PLCB3: variants seen among roughly 807,000 people sequenced by gnomAD.
PLCB3 encodes 1-phosphatidylinositol 4,5-bisphosphate phosphodiesterase beta-3.
A neutral mutation model predicts 152.1 loss-of-function variants in PLCB3; 54 were observed. The ratio of observed to expected loss-of-function variants is 0.36; its 90% CI spans 0.29 to 0.45. PLCB3 has a LOEUF of 0.45. Ranked by LOEUF, PLCB3 falls within the 20% of genes least tolerant of loss-of-function variation. The pLI, the probability that PLCB3 is intolerant of heterozygous loss-of-function variation, is 1.00. For synonymous variants in PLCB3, 717 were observed against 698.7 expected (o/e 1.03, Z -0.41); for missense variants, 1,248 against 1,687.5 (o/e 0.74, Z 4.56).
At chr11:64,265,271 TC>T (rs1565337850) in intron 24 of PLCB3, 38 bp from the exon 25 acceptor site, 1 of 1,576,238 alleles carries the variant, frequency 6.3e-7, no homozygotes, top group Non-Finnish European at 8.6e-7. Context: ...CCTTGCAGGT[TC>T]CCCCACCCCC....
intron 2 of PLCB3, 77 bp from the exon 3 acceptor site, chr11:64,254,671 C>G: frequency 6.6e-7 from 1 of 1,521,160 alleles, no homozygotes. Flanking sequence ...ATTCCCTGGC[C>G]TGGGTAGAGA....
Position 64,255,644 on chromosome 11 carries a change from T to TGGGGGGGGGGGGGACGGGGGGGGGGG in PLCB3, c.597+32_597+33insGGGGGGGGGACGGGGGGGGGGGGGGG. ...GTGTGGGGTGGGGACAGGGGCGGGG[T>TGGGGGGGGGGGGGACGGGGGGGGGGG]GGGGTGTCACGGTGGGCACCCACCC... On this transcript the variant is annotated intron_variant, in intron 7 of 30. Transcript: ENST00000279230. The surrounding 1 kb of genome is among the most constrained non-coding windows in gnomAD (Gnocchi z 6.8). The TGGGGGGGGGGGGGACGGGGGGGGGGG allele has an allele frequency of 1.1e-6, 1 of 890,196 alleles. No individual in the cohort carries two copies. Among genetic ancestry groups the TGGGGGGGGGGGGGACGGGGGGGGGGG allele is most frequent in the Non-Finnish European group, 1.7e-6 (1 of 582,130 alleles). 55.1% of individuals were successfully genotyped at this position (890,196 alleles called of 1,614,324 possible). A position where few individuals can be genotyped will look rare whatever the true frequency, so the allele number is the denominator to read the frequency against.
chr11:64,265,174 A>G lies in PLCB3; in HGVS notation c.2807-18A>G. ...CCCACCCTGTCCTCCAGCTCCTCAC[A>G]GGGCCTCTGCTCCCCAGGGCAGCGT... On this transcript the variant is annotated intron_variant, in intron 23 of 30. Transcript: ENST00000279230. 3 of 1,587,140 alleles carry G rather than the reference A, an allele frequency of 1.9e-6. No individual in the cohort carries two copies. The highest frequency in any genetic ancestry group is 1.7e-6 in the Non-Finnish European group (2 of 1,165,310).
intron 2 of PLCB3, 107 bp from the exon 3 acceptor site, chr11:64,254,641 G>T (rs1488981196): frequency 2.9e-6 from 4 of 1,396,742 alleles, no homozygotes; most frequent in Non-Finnish European, 3.0e-6. Context: ...TGAGGCTGGG[G>T]CTATAGCCAG....
Position 64,255,817 on chromosome 11 carries a change from G to C in PLCB3, c.694G>C (p.Glu232Gln). Reference sequence around the variant, plus strand: ...GCCGGACATTGACAAGATCCTGCTGGAGATGTGAGTGGGCCCGGCCTGCCT... The same window carrying C: ...GCCGGACATTGACAAGATCCTGCTGCAGATGTGAGTGGGCCCGGCCTGCCT... Reference protein sequence around the residue: ...LRPDIDKILLEIGAKGKPYLT... With the variant: ...LRPDIDKILLQIGAKGKPYLT... The change falls in exon 8 of 31, where the codon GAG becomes CAG. Residue 232 changes from glutamate to glutamine, a missense_variant. Coordinates refer to ENST00000279230, the MANE Select transcript of PLCB3 (RefSeq NM_000932.5). This position sits in a 1 kb window ranked among gnomAD's most constrained non-coding sequence, Gnocchi z 6.8. 6.2e-7 allele frequency: 1 copy of C among 1,610,360 alleles called. No individual in the cohort carries two copies. The highest frequency in any genetic ancestry group is 8.5e-7 in the Non-Finnish European group (1 of 1,176,612).
Position 64,255,463 on chromosome 11 carries a change from C to T in PLCB3, c.521+14C>T, listed in dbSNP as rs374202960. 8 of 1,614,066 alleles carry T rather than the reference C, an allele frequency of 5.0e-6. No individual in the cohort carries two copies. In the African/African-American group the frequency reaches 9.3e-5, roughly 19 times the overall value. On this transcript the variant is annotated intron_variant, in intron 6 of 30. Transcript: ENST00000279230. The surrounding 1 kb of genome is among the most constrained non-coding windows in gnomAD (Gnocchi z 6.8). ...CCCCGTCAAGAAGTGAGCACCCCTT[C>T]CCCCAGCACCTTCCTCCTGCCCTGA...
chr11:64,263,822 C>A, intron 21 of PLCB3, 27 bp downstream of exon 21: 1 of 1,584,324 alleles, frequency 6.3e-7, no homozygotes, highest in Non-Finnish European at 8.7e-7. Flanking sequence ...CGGGGCCTGC[C>A]TGGCCAGGGA....
chr11:64,255,883 C>G lies in PLCB3; in HGVS notation c.698+62C>G. 7.9e-7 allele frequency: 1 copy of G among 1,266,330 alleles called. No individual in the cohort carries two copies. The highest frequency in any genetic ancestry group is 1.2e-6 in the Non-Finnish European group (1 of 865,238). 78.4% of individuals were successfully genotyped at this position (1,266,330 alleles called of 1,614,324 possible). A position where few individuals can be genotyped will look rare whatever the true frequency, so the allele number is the denominator to read the frequency against. The stretch of plus-strand genomic sequence containing the variant: ...CTGTGTTTAGCTTCTGCTTAGCGTG[C>G]CTCTAGCTCAATGGGGAGAGGGGAA... On this transcript the variant is annotated intron_variant, in intron 8 of 30. Coordinates refer to ENST00000279230, the MANE Select transcript of PLCB3 (RefSeq NM_000932.5). The surrounding 1 kb of genome is among the most constrained non-coding windows in gnomAD (Gnocchi z 6.8).
chr11:64,263,731 G>T lies in PLCB3; in HGVS notation c.2496G>T (p.Pro832=). 6.2e-7 allele frequency: 1 copy of T among 1,613,274 alleles called. No homozygotes were observed. Among genetic ancestry groups the T allele is most frequent in the Non-Finnish European group, 8.5e-7 (1 of 1,179,916 alleles). ...GCCTGCGGAACGAGGCCAACCAACC[G>T]CTGTGCCTGCCGGCCCTGCTCATCT... ...YVCLRNEANQ[P]LCLPALLIYT... is the part of the protein sequence containing the mutation. Residue 832 remains proline, a synonymous_variant, in exon 21 of 31, where the codon CCG becomes CCT. Coordinates refer to ENST00000279230, the MANE Select transcript of PLCB3 (RefSeq NM_000932.5).
chr11:64,254,920 T>C lies in PLCB3; in HGVS notation c.269T>C (p.Leu90Pro). 3 of 1,606,070 alleles carry C rather than the reference T, an allele frequency of 1.9e-6. No individual in the cohort carries two copies. The highest frequency in any genetic ancestry group is 2.6e-6 in the Non-Finnish European group (3 of 1,174,926). The change falls in exon 4 of 31, where the codon CTG becomes CCG. Residue 90 changes from leucine (L) to proline (P), a missense_variant. Transcript: ENST00000279230. ...CAGGACCCCAAGATCCGGGAAGTTC[T>C]GGGCTTTGGGGGTCCCGATGCCCGG... ...LPKDPKIREV[L>P]GFGGPDARLE...
rs2031448574 is a variant in PLCB3 at position 64,255,102 on chromosome 11, T to A, written c.387+64T>A. ...CTTATTCTGTGAGTCGGCCGTCACT[T>A]ACCGAACACCTGCTGTGTTCTAGGC... On this transcript the variant is annotated intron_variant, in intron 4 of 30. Transcript: ENST00000279230. This position sits in a 1 kb window ranked among gnomAD's most constrained non-coding sequence, Gnocchi z 6.8. 1.3e-6 allele frequency: 2 copies of A among 1,558,528 alleles called. No homozygotes were observed. The highest frequency in any genetic ancestry group is 2.3e-5 in the South Asian group (2 of 88,732).
Position 64,254,749 on chromosome 11 carries a change from AG to A in PLCB3, c.181del (p.Val61TrpfsTer43). On this transcript the variant is annotated frameshift_variant and splice_region_variant, in exon 3 of 31. Coordinates refer to ENST00000279230, the MANE Select transcript of PLCB3 (RefSeq NM_000932.5). LOFTEE classifies it high-confidence loss of function. ...FFLYWTGPNM[E>X]VDTLDISSIR... is the part of the protein sequence containing the mutation. ...AGCCTGGCATCTGGTTCCCCCCAGG[AG>A]GTGGACACACTGGACATCAGTTCCA... The A allele has an allele frequency of 1.2e-6, 2 of 1,612,700 alleles. No individual in the cohort carries two copies. The highest frequency in any genetic ancestry group is 1.7e-6 in the Non-Finnish European group (2 of 1,179,788).
Position 64,251,555 on chromosome 11 carries a change from C to T in PLCB3, c.-95C>T. 2.5e-6 allele frequency: 1 copy of T among 404,802 alleles called. No individual in the cohort carries two copies. Among genetic ancestry groups the T allele is most frequent in the Non-Finnish European group, 3.8e-6 (1 of 261,954 alleles). 25.1% of individuals were successfully genotyped at this position (404,802 alleles called of 1,614,324 possible). A position where few individuals can be genotyped will look rare whatever the true frequency, so the allele number is the denominator to read the frequency against. ...AGACTGGCGGGCGGGCGGGCACTGA[C>T]GCCGCGGGGCCGGAGCGGGCCGCGC... On this transcript the variant is annotated 5_prime_UTR_variant, in exon 1 of 31. The change creates a new upstream start codon in the 5' untranslated region. Transcript: ENST00000279230.
Position 64,266,091 on chromosome 11 carries a change from G to T in PLCB3, c.3190-35G>T. 6.2e-7 allele frequency: 1 copy of T among 1,613,944 alleles called. No individual in the cohort carries two copies. Among genetic ancestry groups the T allele is most frequent in the African/African-American group, 1.3e-5 (1 of 75,022 alleles). ...AGCCTGCTGGATAGACCCGTCGTCA[G>T]CCCGGCATCACCTGTCAGCTCCCTG... On this transcript the variant is annotated intron_variant, in intron 26 of 30. Transcript: ENST00000279230. This position sits in a 1 kb window ranked among gnomAD's most constrained non-coding sequence, Gnocchi z 4.9.
At chr11:64,259,903 C>A in intron 13 of PLCB3, 126 bp from the exon 14 acceptor site, 1 of 763,068 alleles carries the variant, frequency 1.3e-6, no homozygotes, top group Non-Finnish European at 2.1e-6. Flanking sequence ...CCAAGCCACA[C>A]TGCCCTGAGA....
intron 2 of PLCB3, 118 bp from the exon 3 acceptor site, chr11:64,254,630 C>G: frequency 7.3e-7 from 1 of 1,373,136 alleles, no homozygotes; most frequent in Admixed American, 1.7e-5. Context: ...AGGGCAGGAG[C>G]TGAGGCTGGG....
rs1352092361 is a variant in PLCB3 at position 64,260,113 on chromosome 11, C to G, written c.1610C>G (p.Ser537Cys). Residue 537 changes from serine (S) to cysteine (C), a missense_variant, in exon 14 of 31, where the codon TCT becomes TGT. Ser to Cys is a moderately radical substitution (Grantham distance 112). Around this residue, in one of 6 missense-constraint regions of PLCB3, gnomAD observed 105 missense variants for 100.9 expected, o/e 1.04. Coordinates refer to ENST00000279230, the MANE Select transcript of PLCB3 (RefSeq NM_000932.5). ...LEKPSLEPQK[S>C]LGDEGLNRGP... ...AAGCCCAGCCTGGAGCCTCAGAAGT[C>G]TCTGGGTGACGAGGGCCTGAACCGA... The G allele has an allele frequency of 6.2e-7, 1 of 1,612,332 alleles. No homozygotes were observed. Among genetic ancestry groups the G allele is most frequent in the Non-Finnish European group, 8.5e-7 (1 of 1,179,416 alleles).
At position 64,263,722 on chromosome 11, in the gene PLCB3, C is replaced by T. The variant is rs2031971421; in HGVS notation, c.2487C>T (p.Ala829=). 3.1e-6 allele frequency: 5 copies of T among 1,613,470 alleles called. No individual in the cohort carries two copies. The Admixed American group carries it at 6.7e-5, about 22-fold the overall frequency. The change falls in exon 21 of 31, where the codon GCC becomes GCT. Residue 829 remains alanine (A), a synonymous_variant. Coordinates refer to ENST00000279230, the MANE Select transcript of PLCB3 (RefSeq NM_000932.5). ...ACTACGTCTGCCTGCGGAACGAGGCCAACCAACCGCTGTGCCTGCCGGCCC... is the reference window on the plus strand; with the variant it reads ...ACTACGTCTGCCTGCGGAACGAGGCTAACCAACCGCTGTGCCTGCCGGCCC... ...GYHYVCLRNE[A]NQPLCLPALL...
rs2031898370 is a variant in PLCB3 at position 64,262,414 on chromosome 11, G to A, written c.2046G>A (p.Ala682=). The A allele has an allele frequency of 3.1e-6, 5 of 1,612,180 alleles. No individual in the cohort carries two copies. Among genetic ancestry groups the A allele is most frequent in the African/African-American group, 2.7e-5 (2 of 74,924 alleles). Residue 682 remains alanine, a synonymous_variant, in exon 18 of 31, where the codon GCG becomes GCA. Coordinates refer to ENST00000279230, the MANE Select transcript of PLCB3 (RefSeq NM_000932.5). ...VALNFQTLDV[A]MQLNAGVFEY... is the part of the protein sequence containing the mutation. ...GTGCCCGTGGCACCCCAGATGTGGCGATGCAGCTCAACGCGGGCGTTTTTG... is the reference window on the plus strand; with the variant it reads ...GTGCCCGTGGCACCCCAGATGTGGCAATGCAGCTCAACGCGGGCGTTTTTG...
Sources: allele counts gnomAD v4.1 joint callset, GRCh38; gene constraint gnomAD v4.1.1; regional missense constraint gnomAD v4.1.1; non-coding constraint Gnocchi (gnomAD v3.1); transcripts MANE v1.5; gene names NCBI Gene and HGNC (gene_info 2026-07-23, HGNC 2026-07-21).